The following FHIT variants were observed in gnomAD, a reference collection of about 807,000 sequenced individuals.
FHIT encodes bis(5'-adenosyl)-triphosphatase.
A neutral mutation model predicts 17.9 loss-of-function variants in FHIT; 19 were observed. The observed-to-expected ratio is 1.06, with a 90% CI of 0.74 to 1.56. The LOEUF is 1.56. Ranked by LOEUF, FHIT falls within the 40% of genes most tolerant of loss-of-function variation. The pLI is 0.00. For missense variants in FHIT, 248 were observed against 189.2 expected, an observed-to-expected ratio of 1.31 and a Z score of -1.82; for synonymous variants, 81 against 69.7, an observed-to-expected ratio of 1.16 and a Z score of -0.81.
chr3:60,752,780 A>T (rs2042495182), intron 4 of FHIT, among the ~76,000 whole-genome samples: 1 of 152,128 alleles, frequency 6.6e-6, no homozygotes, highest in African/African-American at 2.4e-5. Context: ...CAATTCTATC[A>T]CCCAGAAGAA....
intron 3 of FHIT, among the ~76,000 whole-genome samples, chr3:60,923,458 C>A (rs1276364783): frequency 1.3e-5 from 2 of 152,130 alleles, no homozygotes; most frequent in Non-Finnish European, 2.9e-5. Flanking sequence ...AAATAGTGAC[C>A]AGAACCTTGT....
At chr3:60,673,354 T>C (rs190859502) in intron 4 of FHIT, among the ~76,000 whole-genome samples, 81 of 152,312 alleles carry the variant, frequency 5.3e-4, no homozygotes, top group African/African-American at 1.9e-3. Context: ...AATTAGATCA[T>C]GTCCTTTGCA....
chr3:60,465,250 T>G (rs1164054255), intron 5 of FHIT, among the ~76,000 whole-genome samples: 3 of 152,148 alleles, frequency 2.0e-5, no homozygotes, highest in Non-Finnish European at 4.4e-5. Context: ...TTGTTTGAGC[T>G]CCTTATATAT....
chr3:61,005,398 G>A (rs976244339), intron 3 of FHIT, among the ~76,000 whole-genome samples: 1 of 152,120 alleles, frequency 6.6e-6, no homozygotes, highest in African/African-American at 2.4e-5. Flanking sequence ...GGAGGAGCAG[G>A]ATGATAATGA....
chr3:60,838,085 C>A (rs992255513), intron 3 of FHIT, among the ~76,000 whole-genome samples: 4 of 152,140 alleles, frequency 2.6e-5, no homozygotes, highest in Admixed American at 1.3e-4. Flanking sequence ...TAATTGTCTT[C>A]TTTCCAATTA....
chr3:59,986,540 TACACAC>T (rs1315976727), intron 7 of FHIT, among the ~76,000 whole-genome samples: 1 of 12,444 alleles, frequency 8.0e-5, no homozygotes, highest in African/African-American at 3.5e-4. Context: ...TATATATATA[TACACAC>T]ACACACACAC....
At chr3:59,943,215 G>A (rs996189919) in intron 7 of FHIT, among the ~76,000 whole-genome samples, 4 of 152,156 alleles carry the variant, frequency 2.6e-5, no homozygotes, top group African/African-American at 9.7e-5. Context: ...AGCTGATCAG[G>A]AACCAGCTCA....
intron 2 of FHIT, among the ~76,000 whole-genome samples, chr3:61,042,839 C>CAAA (rs111957952): frequency 8.1e-6 from 1 of 123,636 alleles, no homozygotes; most frequent in Non-Finnish European, 1.7e-5. Flanking sequence ...GCATCTGACT[C>CAAA]AAAAAAAAAA....
rs183353046 is a variant in FHIT at position 60,592,006 on chromosome 3, G to A, written c.-17-55027C>T. Among the ~76,000 whole-genome samples the A allele has an allele frequency of 1.6e-4, 25 of 151,862 alleles. No individual in the cohort carries two copies. In the East Asian group the frequency reaches 4.7e-3, roughly 28 times the overall value. On this transcript the variant is annotated intron_variant, in intron 4 of 9. Transcript: ENST00000492590. The stretch of plus-strand genomic sequence containing the variant: ...CTTCCAGTGTGTTTCAGAATTTAAG[G>A]TGGGGAAAAAAGAAACAGAAAATCG...
chr3:61,080,577 T>C (rs2035104612), intron 2 of FHIT, among the ~76,000 whole-genome samples: 1 of 152,180 alleles, frequency 6.6e-6, no homozygotes, highest in Non-Finnish European at 1.5e-5. Context: ...TTCGATATTA[T>C]AGTGCACTAA....
At chr3:60,124,059 G>GAGAGAGAGAGAGAC (rs1559654030) in intron 5 of FHIT, among the ~76,000 whole-genome samples, 1 of 117,050 alleles carries the variant, frequency 8.5e-6, no homozygotes, top group African/African-American at 3.0e-5. Context: ...GAGAGAGACA[G>GAGAGAGAGAGAGAC]AGAGAGAGAG....
At chr3:60,867,658 G>A (rs1422196030) in intron 3 of FHIT, among the ~76,000 whole-genome samples, 7 of 152,092 alleles carry the variant, frequency 4.6e-5, no homozygotes, top group African/African-American at 9.7e-5. Flanking sequence ...AGTGGGGCAC[G>A]AGAAAAAGTA....
intron 3 of FHIT, among the ~76,000 whole-genome samples, chr3:60,906,640 C>T (rs373755602): frequency 6.6e-6 from 1 of 152,032 alleles, no homozygotes; most frequent in Non-Finnish European, 1.5e-5. Flanking sequence ...TATGTCAAAA[C>T]GACATAGGAA....
intron 3 of FHIT, among the ~76,000 whole-genome samples, chr3:61,034,088 T>C (rs1464325048): frequency 6.6e-6 from 1 of 152,150 alleles, no homozygotes. Flanking sequence ...GCTGGACCCC[T>C]TCCTCACACC....
intron 5 of FHIT, among the ~76,000 whole-genome samples, chr3:60,526,851 AT>A (rs936279253): frequency 4.1e-4 from 63 of 152,306 alleles, no homozygotes; most frequent in African/African-American, 1.5e-3. Context: ...TGTGGAAAGC[AT>A]CCCCCAAGAG....
rs1051519966 is a variant in FHIT, at chr3:60,267,386, AT to A, written c.104-253235del. Among the ~76,000 whole-genome samples, 54 of 152,272 alleles carry A rather than the reference AT, an allele frequency of 3.5e-4. 1 individual carries two copies. The highest frequency in any genetic ancestry group is 1.1e-3 in the African/African-American group (45 of 41,574). ...TGTAATGAAAATTTTCAAATACTTT[AT>A]AAAAATACCATGGAAAAATTATGCT... On this transcript the variant is annotated intron_variant, in intron 5 of 9. Coordinates refer to ENST00000492590, the MANE Select transcript of FHIT (RefSeq NM_002012.4).
At chr3:60,278,876 G>C (rs933627989) in intron 5 of FHIT, among the ~76,000 whole-genome samples, 2 of 152,026 alleles carry the variant, frequency 1.3e-5, no homozygotes, top group Non-Finnish European at 1.5e-5. Flanking sequence ...TTTGTGGAAT[G>C]CAAGGAAAAC....
chr3:59,895,616 T>A (rs953972979), intron 8 of FHIT, among the ~76,000 whole-genome samples: 1 of 152,166 alleles, frequency 6.6e-6, no homozygotes, highest in Non-Finnish European at 1.5e-5. Context: ...TTACGTCAAC[T>A]TGACCAGCAC....
At chr3:59,918,429 C>T (rs1199081298) in intron 8 of FHIT, among the ~76,000 whole-genome samples, 3 of 152,026 alleles carry the variant, frequency 2.0e-5, no homozygotes, top group Non-Finnish European at 1.5e-5. Flanking sequence ...AGAGGATTAA[C>T]TATTACAGAT....
Sources: gnomAD v4.1 joint callset for allele counts (sites outside exome capture counted in the v4.1 genomes callset) on GRCh38, gnomAD v4.1.1 for gene constraint, MANE v1.5 for transcripts, NCBI Gene and HGNC (gene_info 2026-07-23, HGNC 2026-07-21) for gene names.